The following EBF1 variants were observed in gnomAD, a reference collection of about 807,000 sequenced individuals.
EBF1 encodes transcription factor COE1.
Under a neutral mutation model 68.4 loss-of-function variants are expected in EBF1, and 10 were observed. The ratio of observed to expected loss-of-function variants is 0.15; its 90% confidence interval spans 0.09 to 0.25. The LOEUF (loss-of-function observed/expected upper bound fraction) is 0.25. EBF1 is among the 10% of genes least tolerant of loss of function. The probability of loss-of-function intolerance (pLI) is 1.00; values close to 1 mark genes in which losing one functional copy is unlikely to be tolerated. For missense variants in EBF1, 509 were observed against 794.4 expected (o/e 0.64, Z 4.32); for synonymous variants, 298 against 299.8 (o/e 0.99, Z 0.06).
chr5:158,712,064 C>T (rs1432710833), intron 14 of EBF1, 90 bp downstream of exon 14: 2 of 1,490,614 alleles, frequency 1.3e-6, no homozygotes, highest in African/African-American at 2.8e-5. Context: ...GGGCCTCAGA[C>T]CGAGAAGCCC....
chr5:158,971,062 G>C (rs2127562241), intron 6 of EBF1, among the ~76,000 whole-genome samples: 1 of 152,286 alleles, frequency 6.6e-6, no homozygotes, highest in South Asian at 2.1e-4. Flanking sequence ...GCAATACCGG[G>C]TAACCTATTA....
At chr5:159,068,918 T>A (rs1222132446) in intron 6 of EBF1, among the ~76,000 whole-genome samples, 1 of 152,118 alleles carries the variant, frequency 6.6e-6, no homozygotes, top group Non-Finnish European at 1.5e-5. Flanking sequence ...GTATTTTTTT[T>A]ATGTCACATG....
At chr5:158,746,298 G>T (rs1241311395) in intron 10 of EBF1, among the ~76,000 whole-genome samples, 3 of 152,168 alleles carry the variant, frequency 2.0e-5, no homozygotes, top group African/African-American at 4.8e-5. Flanking sequence ...GAGATAATGA[G>T]AACTCTTATA....
chr5:158,988,376 G>T (rs1439758945), intron 6 of EBF1, among the ~76,000 whole-genome samples: 1 of 152,160 alleles, frequency 6.6e-6, no homozygotes. Flanking sequence ...GGACCTAGGG[G>T]AGGAAAAAGG....
chr5:159,061,733 T>TG (rs201288880), intron 6 of EBF1, among the ~76,000 whole-genome samples: 1,855 of 151,790 alleles, frequency 0.012, 143 homozygotes, highest in Admixed American at 0.11. Context: ...TGTTTTGTTT[T>TG]TTTTTTTTTT....
chr5:159,005,311 C>T (rs926757975), intron 6 of EBF1, among the ~76,000 whole-genome samples: 4 of 152,206 alleles, frequency 2.6e-5, no homozygotes, highest in Non-Finnish European at 5.9e-5. Flanking sequence ...AGTATGTGGT[C>T]TTCCCCTAAA....
chr5:158,888,279 T>C (rs949835404), intron 6 of EBF1, among the ~76,000 whole-genome samples: 2 of 152,074 alleles, frequency 1.3e-5, no homozygotes, highest in Admixed American at 6.6e-5. Context: ...TGCGTGCGTG[T>C]GTGTGTGTTT....
At chr5:159,048,098 A>G (rs1772795584) in intron 6 of EBF1, among the ~76,000 whole-genome samples, 1 of 152,112 alleles carries the variant, frequency 6.6e-6, no homozygotes, top group Non-Finnish European at 1.5e-5. Flanking sequence ...CAGCATGAAC[A>G]CTCTTAGGGA....
At chr5:158,922,308 T>G (rs1808612076) in intron 6 of EBF1, among the ~76,000 whole-genome samples, 1 of 152,202 alleles carries the variant, frequency 6.6e-6, no homozygotes, top group African/African-American at 2.4e-5. Flanking sequence ...TTGATTTGGT[T>G]GCTATTGTGC....
At chr5:158,731,650 G>A (rs140939462) in intron 10 of EBF1, among the ~76,000 whole-genome samples, 228 of 152,300 alleles carry the variant, frequency 1.5e-3, no homozygotes, top group African/African-American at 5.1e-3. Flanking sequence ...GTAGAGGAGA[G>A]TGAGTAGAAG....
chr5:158,803,982 G>C (rs945273208), intron 8 of EBF1, among the ~76,000 whole-genome samples: 1 of 132,662 alleles, frequency 7.5e-6, no homozygotes, highest in African/African-American at 2.8e-5. Flanking sequence ...GTGTGTGTGT[G>C]ATGTTTGTCA....
intron 14 of EBF1, among the ~76,000 whole-genome samples, chr5:158,708,451 A>G (rs945915199): frequency 6.6e-6 from 1 of 152,218 alleles, no homozygotes; most frequent in African/African-American, 2.4e-5. Context: ...AGCAATTGTC[A>G]TTAAGGGAAA....
chr5:158,924,467 C>T (rs1342097382), intron 6 of EBF1, among the ~76,000 whole-genome samples: 1 of 152,046 alleles, frequency 6.6e-6, no homozygotes, highest in East Asian at 1.9e-4. Flanking sequence ...GCAAATCCTT[C>T]TCTCCCCACA....
At chr5:158,993,195 C>T (rs1394062264) in intron 6 of EBF1, among the ~76,000 whole-genome samples, 3 of 151,600 alleles carry the variant, frequency 2.0e-5, no homozygotes, top group Admixed American at 1.3e-4. Flanking sequence ...TACAGGTGCA[C>T]GCTGCTACAC....
chr5:159,045,045 T>C (rs1169987993), intron 6 of EBF1, among the ~76,000 whole-genome samples: 5 of 152,200 alleles, frequency 3.3e-5, no homozygotes, highest in African/African-American at 1.2e-4. Flanking sequence ...GTGTCTTTTA[T>C]TTATGTTTTC....
chr5:158,855,152 T>C (rs1329738213), intron 6 of EBF1, among the ~76,000 whole-genome samples: 1 of 152,230 alleles, frequency 6.6e-6, no homozygotes, highest in African/African-American at 2.4e-5. Flanking sequence ...CTGGTATTAA[T>C]GAGGATAAAC....
intron 11 of EBF1, among the ~76,000 whole-genome samples, chr5:158,724,326 G>A (rs1762546728): frequency 6.6e-6 from 1 of 152,290 alleles, no homozygotes; most frequent in Middle Eastern, 3.4e-3. Flanking sequence ...ACACGAGAAA[G>A]AGAAAGAGAG....
chr5:158,749,774 T>C (rs146144144), intron 10 of EBF1, among the ~76,000 whole-genome samples: 4 of 152,246 alleles, frequency 2.6e-5, no homozygotes, highest in East Asian at 3.9e-4. Context: ...CTGTTGGATT[T>C]AGCATATCAA....
At chr5:158,976,523 C>A (rs1583606494) in intron 6 of EBF1, among the ~76,000 whole-genome samples, 1 of 144,598 alleles carries the variant, frequency 6.9e-6, no homozygotes, top group East Asian at 2.2e-4. Context: ...CTTGTCATTA[C>A]AGAAACTAGA....
Sources: gnomAD v4.1 joint callset for allele counts (sites outside exome capture counted in the v4.1 genomes callset) on GRCh38, gnomAD v4.1.1 for gene constraint, MANE v1.5 for transcripts, NCBI Gene and HGNC (gene_info 2026-07-23, HGNC 2026-07-21) for gene names.